Variants in ADARB2 observed in about 807,000 individuals in gnomAD.
The protein encoded by ADARB2 is inactive double-stranded RNA-specific editase B2.
ADARB2 carries 25 observed loss-of-function variants against 62.2 expected under a neutral mutation model. The ratio of observed to expected loss-of-function variants is 0.40; its 90% CI spans 0.29 to 0.56. The LOEUF (loss-of-function observed/expected upper bound fraction) is 0.56. Among genes scored for constraint, ADARB2 ranks in the 20% least tolerant of loss-of-function variants. The pLI is 0.43. For missense variants in ADARB2, 1,071 were observed against 1,077.4 expected (o/e 0.99, Z 0.08); for synonymous variants, 572 against 500.8 (o/e 1.14, Z -1.90).
chr10:1,541,839 T>C (rs867854840), intron 1 of ADARB2, among the ~76,000 whole-genome samples: 1 of 27,894 alleles, frequency 3.6e-5, no homozygotes, highest in Non-Finnish European at 6.5e-5. Context: ...ATCACAGCCG[T>C]CCAGACCCCA....
At chr10:1,263,246 C>G (rs113864550) in intron 4 of ADARB2, among the ~76,000 whole-genome samples, 1 of 151,976 alleles carries the variant, frequency 6.6e-6, no homozygotes, top group African/African-American at 2.4e-5. Flanking sequence ...CAAACCTGCA[C>G]GTTGTGCACA....
At chr10:1,575,027 A>AGGCTGCAACATTGTAACAGGTAACT (rs1832991580) in intron 1 of ADARB2, among the ~76,000 whole-genome samples, 2 of 152,238 alleles carry the variant, frequency 1.3e-5, no homozygotes, top group Non-Finnish European at 2.9e-5. Flanking sequence ...AACAGGTAAC[A>AGGCTGCAACATTGTAACAGGTAACT]GGGCTGCAAC....
At chr10:1,308,159 T>A (rs1375259675) in intron 3 of ADARB2, among the ~76,000 whole-genome samples, 1 of 152,170 alleles carries the variant, frequency 6.6e-6, no homozygotes, top group Admixed American at 6.5e-5. Context: ...AAATCCCCTG[T>A]GCTCCACCTA....
intron 2 of ADARB2, among the ~76,000 whole-genome samples, chr10:1,366,175 T>C (rs2805577): frequency 0.051 from 7,796 of 152,250 alleles, 678 homozygotes; most frequent in African/African-American, 0.18. Flanking sequence ...GGGGGGTGAC[T>C]TCACGTGTGA....
At chr10:1,414,970 G>T (rs1832789835) in intron 1 of ADARB2, among the ~76,000 whole-genome samples, 1 of 150,604 alleles carries the variant, frequency 6.6e-6, no homozygotes, top group Non-Finnish European at 1.5e-5. Context: ...GCTATATGGT[G>T]AATGGATAGG....
rs2131832470 is a variant in ADARB2 at position 1,328,486 on chromosome 10, CCATT to C, written c.1077+34538_1077+34541del. ...ATCAACCACGTAACGTTCAGTTATT[CCATT>C]CAAACCCGCGTCCTGTTTTTTTTTC... On this transcript the variant is annotated intron_variant, in intron 3 of 9. Transcript: ENST00000381312. 2.0e-5 allele frequency among the ~76,000 whole-genome samples: 3 copies of C among 152,260 alleles called. No individual in the cohort carries two copies. In the South Asian group the frequency reaches 6.2e-4, roughly 32 times the overall value.
chr10:1,422,505 T>G (rs1471488003), intron 1 of ADARB2, among the ~76,000 whole-genome samples: 1 of 152,126 alleles, frequency 6.6e-6, no homozygotes, highest in African/African-American at 2.4e-5. Flanking sequence ...GGCAGTGCCC[T>G]GTGGCTGAGC....
chr10:1,414,585 G>A (rs1051470385), intron 1 of ADARB2, among the ~76,000 whole-genome samples: 4 of 152,220 alleles, frequency 2.6e-5, no homozygotes, highest in African/African-American at 9.6e-5. Context: ...TAAATCACGT[G>A]CTTAATGCAA....
chr10:1,529,935 G>GC (rs1832203386), intron 1 of ADARB2, among the ~76,000 whole-genome samples: 4 of 149,758 alleles, frequency 2.7e-5, no homozygotes, highest in African/African-American at 9.8e-5. Context: ...CCACTGCAGG[G>GC]ACCCATTCAC....
chr10:1,640,252 T>C (rs1300928215), intron 1 of ADARB2, among the ~76,000 whole-genome samples: 1 of 152,204 alleles, frequency 6.6e-6, no homozygotes, highest in Non-Finnish European at 1.5e-5. Flanking sequence ...TCTTACTCCT[T>C]AAGTGGAAGG....
At chr10:1,557,327 A>AGTGACCTTGAC (rs1348415587) in intron 1 of ADARB2, among the ~76,000 whole-genome samples, 1 of 151,974 alleles carries the variant, frequency 6.6e-6, no homozygotes, top group East Asian at 1.9e-4. Context: ...GTGACCTTGG[A>AGTGACCTTGAC]GTGACCTTGA....
rs562220266 is a variant in ADARB2 at position 1,211,627 on chromosome 10, C to T, written c.1682+5324G>A. On this transcript the variant is annotated intron_variant, in intron 7 of 9. Coordinates refer to ENST00000381312, the MANE Select transcript of ADARB2 (RefSeq NM_018702.4). Reference sequence around the variant, plus strand: ...TGGTATGCTGCTCACAGTCAGCTCTCGAAAGAAAGAAACAATCACGTGTGT... The same window carrying T: ...TGGTATGCTGCTCACAGTCAGCTCTTGAAAGAAAGAAACAATCACGTGTGT... Among the ~76,000 whole-genome samples, 4 of 152,246 alleles carry T rather than the reference C, an allele frequency of 2.6e-5. No homozygotes were observed. The East Asian group carries it at 7.7e-4, about 29-fold the overall frequency.
chr10:1,318,180 C>T (rs1831758204), intron 3 of ADARB2, among the ~76,000 whole-genome samples: 1 of 152,214 alleles, frequency 6.6e-6, no homozygotes, highest in African/African-American at 2.4e-5. Context: ...TTCACAGTAA[C>T]ACAATCAATC....
intron 1 of ADARB2, among the ~76,000 whole-genome samples, chr10:1,584,082 C>T (rs972662741): frequency 6.6e-6 from 1 of 152,096 alleles, no homozygotes; most frequent in Non-Finnish European, 1.5e-5. Flanking sequence ...AGGTATGATG[C>T]TGACTTTTTA....
chr10:1,240,582 C>G (rs1021982307), intron 5 of ADARB2: 2 of 152,524 alleles, frequency 1.3e-5, no homozygotes, highest in Non-Finnish European at 1.5e-5. Flanking sequence ...CTGCCTCCCC[C>G]AGGACCCTTG....
intron 3 of ADARB2, among the ~76,000 whole-genome samples, chr10:1,332,407 C>A (rs191516350): frequency 1.4e-5 from 2 of 144,928 alleles, no homozygotes; most frequent in Admixed American, 1.4e-4. Flanking sequence ...TGGAGTGAGA[C>A]CTTGTCTCAG....
Position 1,183,337 on chromosome 10 carries a change from C to T in ADARB2, c.2076G>A (p.Thr692=), listed in dbSNP as rs552533216. Residue 692 remains threonine (T), a synonymous_variant, in exon 10 of 10, where the codon ACG becomes ACA. Coordinates refer to ENST00000381312, the MANE Select transcript of ADARB2 (RefSeq NM_018702.4). ...LSTRTPSPGD[T]PSMYCEAKLG... ...GCTTGGCCTCACAGTACATGGAGGG[C>T]GTGTCTCCAGGGCTGGGTGTCCGTG... The T allele has an allele frequency of 4.4e-5, 71 of 1,613,950 alleles. No individual in the cohort carries two copies. In the Middle Eastern group the frequency reaches 9.9e-4, roughly 22 times the overall value.
intron 1 of ADARB2, among the ~76,000 whole-genome samples, chr10:1,447,055 A>C (rs1362860762): frequency 1.3e-5 from 2 of 152,226 alleles, no homozygotes; most frequent in Non-Finnish European, 2.9e-5. Context: ...TAGTTAATTA[A>C]AGCTGTGGAT....
At chr10:1,404,616 C>A (rs1269023656) in intron 1 of ADARB2, among the ~76,000 whole-genome samples, 1 of 152,220 alleles carries the variant, frequency 6.6e-6, no homozygotes, top group Non-Finnish European at 1.5e-5. Context: ...CTGAGCTGAG[C>A]TGAATCCAAA....
Sources: allele counts gnomAD v4.1 joint callset (sites outside exome capture counted in the v4.1 genomes callset), GRCh38; gene constraint gnomAD v4.1.1; transcripts MANE v1.5; gene names NCBI Gene and HGNC (gene_info 2026-07-23, HGNC 2026-07-21).